Variants in MAEL observed in about 807,000 individuals in gnomAD.
The protein encoded by MAEL is maelstrom spermatogenic transposon silencer.
Under a neutral mutation model 62.0 loss-of-function variants are expected in MAEL, and 46 were observed. That is an observed-to-expected ratio of 0.74 (90% CI 0.59 to 0.95). The LOEUF (loss-of-function observed/expected upper bound fraction) is 0.95. Ranked by LOEUF, MAEL falls within the 40% of genes least tolerant of loss-of-function variation. The probability of loss-of-function intolerance (pLI) is 0.00; values close to 1 mark genes in which losing one functional copy is unlikely to be tolerated. For missense variants in MAEL, 497 were observed against 526.8 expected (o/e 0.94, Z 0.55); for synonymous variants, 172 against 175.5 (o/e 0.98, Z 0.16).
intron 5 of MAEL, among the ~76,000 whole-genome samples, chr1:166,997,095 G>C (rs12030113): frequency 0.028 from 4,220 of 152,258 alleles, 230 homozygotes; most frequent in East Asian, 0.28. Flanking sequence ...CAAAGTGCTG[G>C]GCTTACAGGC....
chr1:167,010,510 A>G (rs1336826352), intron 8 of MAEL, among the ~76,000 whole-genome samples: 2 of 152,014 alleles, frequency 1.3e-5, no homozygotes, highest in East Asian at 1.9e-4. Flanking sequence ...CAGTGACACA[A>G]TCATAGCTCA....
In MAEL at chr1:167,017,884, T is replaced by C. The variant is rs1188459303; in HGVS notation, c.966T>C (p.His322=). The part of the protein sequence containing the change: ...TLFGIQLTEA[H]VPLQDYEASN... ...TTGGAATCCAGCTCACAGAGGCTCA[T>C]GTACCACTACAAGATTATGAGGCCA... The change falls in exon 10 of 12, where the codon CAT becomes CAC. Residue 322 remains histidine, a synonymous_variant. Transcript: ENST00000367872. 2 of 1,613,406 alleles carry C rather than the reference T, an allele frequency of 1.2e-6. No homozygotes were observed. Among genetic ancestry groups the C allele is most frequent in the Non-Finnish European group, 1.7e-6 (2 of 1,179,548 alleles).
chr1:166,987,242 G>A (rs1050136742), upstream of MAEL, among the ~76,000 whole-genome samples: 1 of 152,026 alleles, frequency 6.6e-6, no homozygotes, highest in Non-Finnish European at 1.5e-5. Flanking sequence ...TATAACTACA[G>A]TTTTACCTTT....
At position 167,021,769 on chromosome 1, in the gene MAEL, A is replaced by T; in HGVS notation, c.1219A>T (p.Ile407Phe). The change falls in exon 12 of 12, where the codon ATC becomes TTC. Residue 407 changes from isoleucine to phenylalanine, a missense_variant. Coordinates refer to ENST00000367872, the MANE Select transcript of MAEL (RefSeq NM_032858.3). ...GAGCATTTCCAATTCTTCCAGCAATATCCACAAATTCTCCAACTGTGACAC... is the reference window on the plus strand; with the variant it reads ...GAGCATTTCCAATTCTTCCAGCAATTTCCACAAATTCTCCAACTGTGACAC... ...LESISNSSSN[I>F]HKFSNCDTSL... The T allele has an allele frequency of 6.2e-7, 1 of 1,613,280 alleles. No homozygotes were observed. The highest frequency in any genetic ancestry group is 8.5e-7 in the Non-Finnish European group (1 of 1,179,422).
At position 166,992,714 on chromosome 1, in the gene MAEL, G is replaced by C; in HGVS notation, c.354G>C (p.Leu118Phe). Residue 118 changes from leucine to phenylalanine, a missense_variant, in exon 4 of 12, where the codon TTG (leucine) becomes TTC (phenylalanine). Physicochemically the swap from Leu to Phe is conservative, Grantham distance 22. Coordinates refer to ENST00000367872, the MANE Select transcript of MAEL (RefSeq NM_032858.3). Reference protein sequence around the residue: ...QALLGGIFYFLNIFSHGELPP... With the variant: ...QALLGGIFYFFNIFSHGELPP... ...TCCTTGGAGGCATTTTTTATTTTTT[G>C]AACATTTTTAGCCATGGCGAGCTAC... is the stretch of plus-strand genomic sequence containing the variant. The C allele has an allele frequency of 6.3e-7, 1 of 1,585,706 alleles. No homozygotes were observed. Among genetic ancestry groups the C allele is most frequent in the Non-Finnish European group, 8.5e-7 (1 of 1,171,202 alleles).
chr1:167,006,629 A>ATATATATATATG (rs1664918727), intron 8 of MAEL, among the ~76,000 whole-genome samples: 1 of 66,624 alleles, frequency 1.5e-5, no homozygotes, highest in Non-Finnish European at 3.1e-5. Context: ...ATATATATAT[A>ATATATATATATG]TATATATACA....
chr1:166,985,387 A>T (rs1291683757), upstream of MAEL, among the ~76,000 whole-genome samples: 5 of 152,358 alleles, frequency 3.3e-5, no homozygotes, highest in Admixed American at 1.3e-4. Context: ...AATACTGATC[A>T]GTGCATGTGT....
chr1:167,014,700 A>G (rs1665310965), intron 8 of MAEL, among the ~76,000 whole-genome samples: 1 of 152,156 alleles, frequency 6.6e-6, no homozygotes, highest in Non-Finnish European at 1.5e-5. Flanking sequence ...GACCTTTCCA[A>G]TAAAAAATGG....
At chr1:166,991,092 A>G (rs1664152369) in intron 2 of MAEL, among the ~76,000 whole-genome samples, 1 of 152,230 alleles carries the variant, frequency 6.6e-6, no homozygotes, top group Non-Finnish European at 1.5e-5. Context: ...CTGGCCTGGC[A>G]TGTAGTAGGT....
chr1:166,990,141 T>G (rs1436038569), intron 2 of MAEL: 1 of 133,512 alleles, frequency 7.5e-6, no homozygotes, highest in African/African-American at 3.0e-5. Flanking sequence ...CTAGATGACA[T>G]CAAGGTGTCC....
intron 5 of MAEL, among the ~76,000 whole-genome samples, chr1:166,997,024 C>T (rs1248876837): frequency 6.6e-6 from 1 of 152,182 alleles, no homozygotes; most frequent in East Asian, 1.9e-4. Context: ...GACAGGGTTT[C>T]ACCATGTTGG....
intron 3 of MAEL, among the ~76,000 whole-genome samples, chr1:166,992,405 T>C (rs1344006116): frequency 1.3e-5 from 2 of 152,208 alleles, no homozygotes; most frequent in Non-Finnish European, 2.9e-5. Context: ...ATTCAGGGCT[T>C]ATCTATGGCC....
Position 167,016,219 on chromosome 1 carries a change from C to T in MAEL, c.846-3C>T, listed in dbSNP as rs780530775. On this transcript the variant is annotated splice_region_variant and splice_polypyrimidine_tract_variant and intron_variant, in intron 8 of 11. Coordinates refer to ENST00000367872, the MANE Select transcript of MAEL (RefSeq NM_032858.3). Reference sequence around the variant, plus strand: ...GGATATTAAAGTCCATTTTTTTGTACAGGTGCAAGTGGCATGAAGAAAATG... The same window carrying T: ...GGATATTAAAGTCCATTTTTTTGTATAGGTGCAAGTGGCATGAAGAAAATG... 2 of 1,613,114 alleles carry T rather than the reference C, an allele frequency of 1.2e-6. No individual in the cohort carries two copies. The highest frequency in any genetic ancestry group is 1.7e-6 in the Non-Finnish European group (2 of 1,179,364).
At chr1:166,983,461 C>A (rs891005574) in intron 1 of MAEL, among the ~76,000 whole-genome samples, 3 of 152,064 alleles carry the variant, frequency 2.0e-5, no homozygotes, top group African/African-American at 7.2e-5. Context: ...CTTCTGGATT[C>A]TTTCTCAAGC....
At chr1:167,010,229 T>C (rs1052870115) in intron 8 of MAEL, among the ~76,000 whole-genome samples, 1 of 152,204 alleles carries the variant, frequency 6.6e-6, no homozygotes. Flanking sequence ...CCCATGATTA[T>C]AAATTTCCTG....
intron 5 of MAEL, among the ~76,000 whole-genome samples, chr1:166,994,329 G>T (rs182887345): frequency 8.5e-5 from 13 of 152,188 alleles, no homozygotes; most frequent in African/African-American, 2.9e-4. Context: ...GTTCTTAGTG[G>T]CTGGGTACTT....
upstream of MAEL, among the ~76,000 whole-genome samples, chr1:166,984,719 A>G (rs908247279): frequency 6.6e-6 from 1 of 152,156 alleles, no homozygotes; most frequent in Admixed American, 6.5e-5. Context: ...AACACTAACT[A>G]GTCTTCCATC....
chr1:166,976,190 C>A (rs1663573477), intron 1 of MAEL, among the ~76,000 whole-genome samples: 1 of 152,176 alleles, frequency 6.6e-6, no homozygotes, highest in Non-Finnish European at 1.5e-5. Context: ...CGGCTTAAAT[C>A]CATCCAACAC....
chr1:166,999,976 A>G lies in MAEL; in HGVS notation c.524-4204A>G, dbSNP rs1664592774. ...GAAATCTGCTGCTCAGAAAAAAAAAAAGATTCCTTTCAAAATTTTACTGCT... is the reference window on the plus strand; with the variant it reads ...GAAATCTGCTGCTCAGAAAAAAAAAGAGATTCCTTTCAAAATTTTACTGCT... On this transcript the variant is annotated intron_variant, in intron 5 of 11. Transcript: ENST00000367872. 1.3e-5 allele frequency among the ~76,000 whole-genome samples: 2 copies of G among 152,164 alleles called. 1 individual carries two copies. The highest frequency in any genetic ancestry group is 4.1e-4 in the South Asian group (2 of 4,830).
Sources: allele counts gnomAD v4.1 joint callset (sites outside exome capture counted in the v4.1 genomes callset), GRCh38; gene constraint gnomAD v4.1.1; transcripts MANE v1.5; gene names NCBI Gene and HGNC (gene_info 2026-07-23, HGNC 2026-07-21).